MCC: variants seen among roughly 807,000 people sequenced by gnomAD.
MCC encodes the protein MCC regulator of Wnt signaling pathway.
In MCC, 90 loss-of-function variants were observed where a neutral mutation model predicts 116.2. That is an observed-to-expected ratio of 0.77 (90% confidence interval 0.65 to 0.92). The LOEUF (loss-of-function observed/expected upper bound fraction) is 0.92, where lower values mean the gene tolerates loss of function less well. Ranked by LOEUF, MCC falls within the 40% of genes least tolerant of loss-of-function variation. The pLI, the probability that MCC is intolerant of heterozygous loss-of-function variation, is 0.00. For synonymous variants in MCC, 578 were observed against 510.5 expected (o/e 1.13, Z -1.78); for missense variants, 1,516 against 1,312.2 (o/e 1.16, Z -2.40).
At chr5:113,052,088 T>C (rs1305389241) in intron 15 of MCC, among the ~76,000 whole-genome samples, 1 of 151,814 alleles carries the variant, frequency 6.6e-6, no homozygotes, top group Non-Finnish European at 1.5e-5. Context: ...CTAAGATCAG[T>C]ACACATTTTA....
In MCC at chr5:113,036,604, C is replaced by CT. The variant is rs1341314629; in HGVS notation, c.2756+6925dup. ...GTAGCAGCACAAGGACAACAGCAGT[C>CT]TAACTTTTTTTTGCCCAGACTTTGC... On this transcript the variant is annotated intron_variant, in intron 17 of 18. Transcript: ENST00000408903. Among the ~76,000 whole-genome samples the CT allele has an allele frequency of 5.3e-5, 8 of 152,328 alleles. No homozygotes were observed. The East Asian group carries it at 1.5e-3, about 29-fold the overall frequency.
chr5:113,152,539 T>C (rs996682552), intron 3 of MCC, among the ~76,000 whole-genome samples: 2 of 152,188 alleles, frequency 1.3e-5, no homozygotes, highest in African/African-American at 4.8e-5. Flanking sequence ...GCAAATACAT[T>C]TGATCTTTAA....
intron 1 of MCC, among the ~76,000 whole-genome samples, chr5:113,469,920 C>G (rs1378050904): frequency 6.6e-6 from 1 of 152,088 alleles, no homozygotes; most frequent in Non-Finnish European, 1.5e-5. Context: ...TGAATTGATC[C>G]CTTTACCATT....
chr5:113,327,561 A>AAAAAAAAAAAATAT (rs1480996383), intron 3 of MCC, among the ~76,000 whole-genome samples: 1 of 80,584 alleles, frequency 1.2e-5, no homozygotes, highest in Non-Finnish European at 2.5e-5. Context: ...AAAAAAAAAA[A>AAAAAAAAAAAATAT]ATATATATAT....
At chr5:113,125,804 C>A (rs1758016517) in intron 5 of MCC, among the ~76,000 whole-genome samples, 1 of 152,150 alleles carries the variant, frequency 6.6e-6, no homozygotes, top group Admixed American at 6.5e-5. Context: ...CACAGCACAA[C>A]AGCATCTCAA....
At chr5:113,114,707 A>G (rs571019053) in intron 6 of MCC, among the ~76,000 whole-genome samples, 12 of 152,264 alleles carry the variant, frequency 7.9e-5, no homozygotes, top group African/African-American at 2.9e-4. Flanking sequence ...TTGACTTCAG[A>G]GCGATGGCTT....
chr5:113,460,904 A>T (rs1157304620), intron 1 of MCC, among the ~76,000 whole-genome samples: 1 of 152,238 alleles, frequency 6.6e-6, no homozygotes, highest in African/African-American at 2.4e-5. Context: ...TTAGCTGCAC[A>T]TCAAAATTTG....
At chr5:113,357,721 G>A (rs1024146214) in intron 2 of MCC, among the ~76,000 whole-genome samples, 4 of 152,134 alleles carry the variant, frequency 2.6e-5, no homozygotes, top group African/African-American at 4.8e-5. Flanking sequence ...ACGGAAGAAC[G>A]CCTGAAGTGA....
chr5:113,320,544 G>A (rs1767398348), intron 3 of MCC, among the ~76,000 whole-genome samples: 1 of 151,456 alleles, frequency 6.6e-6, no homozygotes, highest in Admixed American at 6.6e-5. Context: ...CCCTCTACAT[G>A]TTCCAAATAT....
chr5:113,191,991 G>T (rs1762171930), intron 3 of MCC, among the ~76,000 whole-genome samples: 1 of 152,158 alleles, frequency 6.6e-6, no homozygotes. Context: ...TGGATGCCTA[G>T]ATTTCTTTAT....
intron 3 of MCC, among the ~76,000 whole-genome samples, chr5:113,265,658 G>T (rs1195811690): frequency 1.3e-5 from 2 of 152,066 alleles, no homozygotes; most frequent in African/African-American, 4.8e-5. Context: ...GGAACTGGAG[G>T]GCTACACAGA....
At chr5:113,256,521 G>A (rs1175273342) in intron 3 of MCC, among the ~76,000 whole-genome samples, 1 of 152,190 alleles carries the variant, frequency 6.6e-6, no homozygotes, top group East Asian at 1.9e-4. Context: ...AGGGAACAGT[G>A]TATGCAAAGG....
chr5:113,295,702 G>C (rs1279759128), intron 3 of MCC, among the ~76,000 whole-genome samples: 1 of 152,190 alleles, frequency 6.6e-6, no homozygotes, highest in Non-Finnish European at 1.5e-5. Flanking sequence ...AAAACATCCT[G>C]TGTCTATTGG....
intron 3 of MCC, among the ~76,000 whole-genome samples, chr5:113,250,255 A>C (rs1764746161): frequency 6.6e-6 from 1 of 152,360 alleles, no homozygotes; most frequent in South Asian, 2.1e-4. Flanking sequence ...GTCACCAAGG[A>C]GCATCTTCCT....
chr5:113,308,603 GC>G (rs1767053229), intron 3 of MCC, among the ~76,000 whole-genome samples: 1 of 152,136 alleles, frequency 6.6e-6, no homozygotes, highest in Non-Finnish European at 1.5e-5. Context: ...CAGGAGGATT[GC>G]TTGAGCCCAG....
At chr5:113,405,076 C>T (rs1309346171) in intron 1 of MCC, among the ~76,000 whole-genome samples, 2 of 152,202 alleles carry the variant, frequency 1.3e-5, no homozygotes, top group Non-Finnish European at 2.9e-5. Context: ...TTTTAAAAAG[C>T]TACATACCAG....
intron 1 of MCC, among the ~76,000 whole-genome samples, chr5:113,402,183 A>C (rs1458556975): frequency 1.3e-5 from 2 of 150,606 alleles, no homozygotes; most frequent in Non-Finnish European, 2.9e-5. Context: ...AGTCCCAGCT[A>C]CTCCGGAGGC....
intron 3 of MCC, among the ~76,000 whole-genome samples, chr5:113,292,936 A>C (rs961339591): frequency 1.3e-5 from 2 of 152,176 alleles, no homozygotes; most frequent in Non-Finnish European, 2.9e-5. Context: ...TAAAATTGGC[A>C]AAAGTCACTT....
intron 1 of MCC, among the ~76,000 whole-genome samples, chr5:113,391,694 G>C (rs1228387269): frequency 6.6e-6 from 1 of 151,802 alleles, no homozygotes; most frequent in Non-Finnish European, 1.5e-5. Context: ...ACTCCAGCCT[G>C]GGTAACACAG....
Sources: gnomAD v4.1 joint callset for allele counts (sites outside exome capture counted in the v4.1 genomes callset) on GRCh38, gnomAD v4.1.1 for gene constraint, MANE v1.5 for transcripts, NCBI Gene and HGNC (gene_info 2026-07-23, HGNC 2026-07-21) for gene names.